The following CDH26 variants were observed in gnomAD, a reference collection of about 807,000 sequenced individuals.
CDH26 encodes cadherin 26, also known as cadherin-like protein 26.
A neutral mutation model predicts 90.3 loss-of-function variants in CDH26; 83 were observed. That is an observed-to-expected ratio of 0.92 (90% confidence interval 0.77 to 1.10). The LOEUF (loss-of-function observed/expected upper bound fraction) is 1.10. Among genes scored for constraint, CDH26 ranks in the 50% least tolerant of loss-of-function variants. The pLI, the probability that CDH26 is intolerant of heterozygous loss-of-function variation, is 0.00. For synonymous variants in CDH26, 397 were observed against 396.3 expected (o/e 1.00, Z -0.02); for missense variants, 1,013 against 1,037.6 (o/e 0.98, Z 0.33).
intron 7 of CDH26, among the ~76,000 whole-genome samples, chr20:60,023,960 G>GCA (rs1555903940): frequency 6.8e-6 from 1 of 147,204 alleles, no homozygotes; most frequent in African/African-American, 2.5e-5. Context: ...GCTGACAGAG[G>GCA]GAGAGAGAGA....
At chr20:60,033,058 T>C (rs565643173) in intron 8 of CDH26, among the ~76,000 whole-genome samples, 95 of 151,958 alleles carry the variant, frequency 6.3e-4, no homozygotes, top group African/African-American at 1.7e-3. Flanking sequence ...CAAAAAACAG[T>C]GTATGAAAGA....
At chr20:60,003,293 C>T (rs543909731) in intron 16 of CDH26, among the ~76,000 whole-genome samples, 1 of 152,250 alleles carries the variant, frequency 6.6e-6, no homozygotes, top group African/African-American at 2.4e-5. Flanking sequence ...AATAAAACAT[C>T]TAAGTACTAA....
At chr20:59,997,320 C>T (rs899626393) in intron 13 of CDH26, among the ~76,000 whole-genome samples, 4 of 152,270 alleles carry the variant, frequency 2.6e-5, no homozygotes, top group African/African-American at 9.6e-5. Flanking sequence ...CCAGAAAGCT[C>T]ACTGCCCTTG....
intron 8 of CDH26, among the ~76,000 whole-genome samples, chr20:60,032,479 A>G (rs1215234496): frequency 6.6e-6 from 1 of 152,212 alleles, no homozygotes; most frequent in Non-Finnish European, 1.5e-5. Flanking sequence ...ACTCATTTAG[A>G]TGATGGAATT....
At chr20:59,959,078 C>T (rs955121928) in intron 1 of CDH26, among the ~76,000 whole-genome samples, 1 of 152,168 alleles carries the variant, frequency 6.6e-6, no homozygotes, top group Non-Finnish European at 1.5e-5. Context: ...ATTACATCAA[C>T]ACACACGTGT....
chr20:60,026,449 G>A (rs1373552025), intron 7 of CDH26, among the ~76,000 whole-genome samples: 2 of 151,572 alleles, frequency 1.3e-5, no homozygotes, highest in Admixed American at 6.6e-5. Flanking sequence ...GCAGAAGGGA[G>A]GTGAGGCAGA....
chr20:59,981,634 T>A (rs2061396248), intron 4 of CDH26, among the ~76,000 whole-genome samples: 1 of 152,294 alleles, frequency 6.6e-6, no homozygotes, highest in South Asian at 2.1e-4. Context: ...TAATGTACTA[T>A]CCTTTTAATA....
At chr20:59,967,888 C>CT (rs1569024377) in intron 1 of CDH26, among the ~76,000 whole-genome samples, 82 of 116,218 alleles carry the variant, frequency 7.1e-4, no homozygotes, top group African/African-American at 3.4e-3. Flanking sequence ...TTCCTTCCTT[C>CT]CTTCCTTCCT....
At chr20:59,974,882 T>A (rs1226341445) in intron 4 of CDH26, among the ~76,000 whole-genome samples, 2 of 152,120 alleles carry the variant, frequency 1.3e-5, no homozygotes, top group Non-Finnish European at 2.9e-5. Context: ...TATCTGTTGA[T>A]AGTTGATCTC....
At chr20:59,996,947 T>C (rs577692750) in intron 13 of CDH26, among the ~76,000 whole-genome samples, 186 bp downstream of exon 13, 3 of 152,358 alleles carry the variant, frequency 2.0e-5, no homozygotes, top group East Asian at 1.9e-4. Flanking sequence ...TTCTTTTAGA[T>C]CAATGGTTCT....
In CDH26 at chr20:60,030,104, T is replaced by C. The variant is rs993506601; in HGVS notation, c.948-1127T>C. Among the ~76,000 whole-genome samples, 3 of 152,128 alleles carry C rather than the reference T, an allele frequency of 2.0e-5. No homozygotes were observed. The highest frequency in any genetic ancestry group is 2.4e-5 in the African/African-American group (1 of 41,398). ...CCTGGTTTTATTGAGGTATAACTGA[T>C]ATGTTAATATAAAAAAAGACATATA... On this transcript the variant is annotated intron_variant, in intron 7 of 8. Coordinates refer to the CDH26 transcript ENST00000370991. The surrounding 1 kb of genome is among the most constrained non-coding windows in gnomAD (Gnocchi z 4.0).
Position 59,984,667 on chromosome 20 carries a change from C to T in CDH26, c.570C>T (p.Val190=), listed in dbSNP as rs557944532. ...AACCTATTTTTCAGATGTTAGCAGT[C>T]GATTTGGATGAAGAAAACACTCCAA... The part of the protein sequence containing the change: ...AGQPIFQMLA[V]DLDEENTPNS... Residue 190 remains valine, a synonymous_variant, in exon 6 of 18, where the codon GTC becomes GTT. Transcript: ENST00000348616. The T allele has an allele frequency of 1.6e-5, 26 of 1,612,386 alleles. No homozygotes were observed. Among genetic ancestry groups the T allele is most frequent in the East Asian group, 6.7e-5 (3 of 44,838 alleles).
In CDH26 at chr20:59,994,178, C is replaced by G. The variant is rs1347808395; in HGVS notation, c.1427-72C>G. Reference sequence around the variant, plus strand: ...TCAGGAATATTTTTTTTCTGAGAGACGGAGAGTGCTCATTCTCCAGAGCTG... The same window carrying G: ...TCAGGAATATTTTTTTTCTGAGAGAGGGAGAGTGCTCATTCTCCAGAGCTG... On this transcript the variant is annotated intron_variant, in intron 10 of 17. Coordinates refer to ENST00000348616, the MANE Select transcript of CDH26 (RefSeq NM_177980.4). 3.2e-6 allele frequency: 5 copies of G among 1,570,516 alleles called. No homozygotes were observed. In the Admixed American group the frequency reaches 5.4e-5, roughly 17 times the overall value.
chr20:59,970,809 A>T (rs1209785414), intron 3 of CDH26, among the ~76,000 whole-genome samples: 1 of 144,024 alleles, frequency 6.9e-6, no homozygotes. Context: ...CTCTGTCTCA[A>T]AAATAAATAA....
chr20:59,972,170 C>CA, intron 4 of CDH26, 47 bp downstream of exon 4: 1 of 1,561,628 alleles, frequency 6.4e-7, no homozygotes, highest in Non-Finnish European at 8.8e-7. Context: ...AAAGCTCTTG[C>CA]AAGACTGTTG....
intron 16 of CDH26, among the ~76,000 whole-genome samples, chr20:60,005,430 A>G (rs1320779226): frequency 6.6e-6 from 1 of 152,160 alleles, no homozygotes; most frequent in Non-Finnish European, 1.5e-5. Context: ...ATGAGTATGC[A>G]TATATGAACA....
At chr20:60,009,068 T>A (rs538956225) in intron 17 of CDH26, among the ~76,000 whole-genome samples, 2 of 152,280 alleles carry the variant, frequency 1.3e-5, no homozygotes, top group South Asian at 4.1e-4. Flanking sequence ...GGCTGTGTCA[T>A]TACTGGTGCA....
chr20:59,963,883 A>G (rs774436055), intron 1 of CDH26, among the ~76,000 whole-genome samples: 1 of 151,798 alleles, frequency 6.6e-6, no homozygotes, highest in Non-Finnish European at 1.5e-5. Context: ...GGCTTTCCTC[A>G]CTGTCCAATT....
intron 9 of CDH26, 103 bp downstream of exon 9, chr20:59,989,266 C>T (rs779917205): frequency 6.9e-6 from 10 of 1,455,994 alleles, no homozygotes; most frequent in Admixed American, 5.7e-5. Flanking sequence ...CGGTGGCTCA[C>T]GCCTGTAATC....
Sources: allele counts gnomAD v4.1 joint callset (sites outside exome capture counted in the v4.1 genomes callset), GRCh38; gene constraint gnomAD v4.1.1; non-coding constraint Gnocchi (gnomAD v3.1); transcripts MANE v1.5; gene names NCBI Gene and HGNC (gene_info 2026-07-23, HGNC 2026-07-21).